The following MSH6 variants were observed in gnomAD, a reference collection of about 807,000 sequenced individuals.
The protein encoded by MSH6 is mutS homolog 6, also known as DNA mismatch repair protein Msh6.
In MSH6, 85 loss-of-function variants were observed where a neutral mutation model predicts 119.1. That is an observed-to-expected ratio of 0.71 (90% CI 0.60 to 0.85). The LOEUF is 0.85. MSH6 is among the 40% of genes least tolerant of loss of function. The pLI is 0.00. For synonymous variants in MSH6, 830 were observed against 586.9 expected (o/e 1.41, Z -5.99); for missense variants, 2,163 against 1,655.3 (o/e 1.31, Z -5.32).
chr2:47,792,954 A>G (rs1181728153), intron 2 of MSH6, among the ~76,000 whole-genome samples: 1 of 150,254 alleles, frequency 6.7e-6, no homozygotes, highest in Non-Finnish European at 1.5e-5. Flanking sequence ...CAGGCTCCCA[A>G]GTAGTTGGGT....
intron 4 of MSH6, 104 bp from the exon 5 acceptor site, chr2:47,803,316 T>G: frequency 1.4e-6 from 2 of 1,454,310 alleles, no homozygotes; most frequent in Non-Finnish European, 1.9e-6. Flanking sequence ...AATTGAAAGT[T>G]ATGTCTTATA....
Position 47,803,428 on chromosome 2 carries a change from C to G in MSH6, c.3181C>G (p.Leu1061Val), listed in dbSNP as rs1553331250. The change falls in exon 5 of 10, where the codon CTG becomes GTG. Residue 1061 changes from leucine (L) to valine (V), a missense_variant. By Grantham distance (32) the Leu-to-Val change is conservative (BLOSUM62 1). Coordinates refer to ENST00000234420, the MANE Select transcript of MSH6 (RefSeq NM_000179.3). ...ACCCTCTCTTTTAACAGATGTTTTA[C>G]TGTGCCTGGCTAACTATAGTCGAGG... ...VECIAVLDVL[L>V]CLANYSRGGD... The G allele has an allele frequency of 6.2e-7, 1 of 1,614,062 alleles. No individual in the cohort carries two copies. The highest frequency in any genetic ancestry group is 1.3e-5 in the African/African-American group (1 of 74,922).
At chr2:47,808,202 T>C (rs1484719602), downstream of MSH6, 20 of 1,613,520 alleles carry the variant, frequency 1.2e-5, no homozygotes, top group Non-Finnish European at 1.7e-5. Flanking sequence ...CACCAGCTAA[T>C]GTACAAGGAT....
chr2:47,789,255 A>T, intron 1 of MSH6: 1 of 305,848 alleles, frequency 3.3e-6, no homozygotes, highest in Non-Finnish European at 6.7e-6. Flanking sequence ...CAGAGAAATT[A>T]TGTGTCAGAT....
At chr2:47,807,056 TATGGTACATGCATACACTTTC>T, downstream of MSH6, 1 of 590,710 alleles carries the variant, frequency 1.7e-6, no homozygotes, top group Non-Finnish European at 3.0e-6. Context: ...GTCTAGATGT[TATGGTACATGCATACACTTTC>T]AGGCTGTTTT....
chr2:47,805,175 CTCTCTCTCT>C, intron 6 of MSH6, 148 bp downstream of exon 6: 1 of 623,910 alleles, frequency 1.6e-6, no homozygotes. Context: ...ACTGCATAGT[CTCTCTCTCT>C]TTTTTTTTTT....
chr2:47,805,107 C>CT (rs1469683316), intron 6 of MSH6, 80 bp downstream of exon 6: 1 of 932,872 alleles, frequency 1.1e-6, no homozygotes, highest in East Asian at 2.4e-5. Flanking sequence ...GTATATGAGC[C>CT]TTTTAAATCT....
In MSH6 at chr2:47,803,511, C is replaced by T. The variant is rs35621414; in HGVS notation, c.3264C>T (p.Phe1088=). 103 of 1,614,122 alleles carry T rather than the reference C, an allele frequency of 6.4e-5. No individual in the cohort carries two copies. In the African/African-American group the frequency reaches 1.2e-3, roughly 19 times the overall value. ...TGTTGCCGGAAGATACCCCCCCCTTCTTAGAGCTTAAAGGATCACGCCATC... is the reference window on the plus strand; with the variant it reads ...TGTTGCCGGAAGATACCCCCCCCTTTTTAGAGCTTAAAGGATCACGCCATC... ...VILLPEDTPP[F]LELKGSRHPC... Residue 1088 remains phenylalanine, a synonymous_variant, in exon 5 of 10, where the codon TTC becomes TTT. Coordinates refer to ENST00000234420, the MANE Select transcript of MSH6 (RefSeq NM_000179.3).
downstream of MSH6, chr2:47,809,385 AC>A: frequency 1.4e-6 from 1 of 713,470 alleles, no homozygotes; most frequent in East Asian, 2.8e-5. Flanking sequence ...AATGAAGCTA[AC>A]CAATGAAGTA....
intron 5 of MSH6, 27 bp from the exon 6 acceptor site, chr2:47,804,883 A>G (rs1437738202): frequency 3.9e-6 from 6 of 1,558,054 alleles, no homozygotes; most frequent in Non-Finnish European, 5.3e-6. Context: ...ACCAGTCATA[A>G]AAGACCTTTT....
intron 2 of MSH6, among the ~76,000 whole-genome samples, chr2:47,794,381 C>G (rs1668942967): frequency 6.6e-6 from 1 of 151,956 alleles, no homozygotes. Context: ...AAGTGATCCT[C>G]CTGCCTCAGT....
At chr2:47,796,568 CTTTT>C (rs879612700) in intron 3 of MSH6, among the ~76,000 whole-genome samples, 1 of 152,142 alleles carries the variant, frequency 6.6e-6, no homozygotes, top group African/African-American at 2.4e-5. Flanking sequence ...AATTCTAAAA[CTTTT>C]TTTGTTGTAT....
intron 2 of MSH6, among the ~76,000 whole-genome samples, chr2:47,795,422 ATGTGTGTGTGTGTGTG>A (rs10699372): frequency 7.1e-6 from 1 of 141,674 alleles, no homozygotes; most frequent in East Asian, 2.0e-4. Flanking sequence ...AAGTTATTTT[ATGTGTGTGTGTGTGTG>A]TGTGTGTGTG....
rs757815307 is a variant in MSH6, at chr2:47,783,254, G to T, written c.21G>T (p.Leu7=). The stretch of plus-strand genomic sequence containing the variant: ...TCGGTATGTCGCGACAGAGCACCCT[G>T]TACAGCTTCTTCCCCAAGTCTCCGG... MSRQST[L]YSFFPKSPAL... The change falls in exon 1 of 10, where the codon CTG becomes CTT. Residue 7 remains leucine, a synonymous_variant. Transcript: ENST00000234420. 3 of 1,612,054 alleles carry T rather than the reference G, an allele frequency of 1.9e-6. No homozygotes were observed. In the Admixed American group the frequency reaches 5.0e-5, roughly 27 times the overall value.
intron 1 of MSH6, among the ~76,000 whole-genome samples, chr2:47,788,246 CTTTTTTTTTTTTTTTTTT>C (rs560110301): frequency 2.2e-5 from 2 of 90,052 alleles, no homozygotes; most frequent in Admixed American, 2.7e-4. Context: ...TTCTTTCTTT[CTTTTTTTTTTTTTTTTTT>C]TTTTTTTTGA....
rs780167298 is a variant in MSH6, at chr2:47,799,796, A to G, written c.1813A>G (p.Thr605Ala). ...LFEKGNLSKE[T>A]KTILKSSLSC... ...TGAAAAAGGAAATCTCTCAAAGGAA[A>G]CTAAAACAATTCTAAAGAGTTCATT... The change falls in exon 4 of 10, where the codon ACT becomes GCT. Residue 605 changes from threonine to alanine, a missense_variant. By Grantham distance (58) the Thr-to-Ala change is moderately conservative. Coordinates refer to ENST00000234420, the MANE Select transcript of MSH6 (RefSeq NM_000179.3). 6.2e-7 allele frequency: 1 copy of G among 1,614,186 alleles called. No homozygotes were observed. The highest frequency in any genetic ancestry group is 8.5e-7 in the Non-Finnish European group (1 of 1,180,020).
At chr2:47,787,780 G>A (rs899160096) in intron 1 of MSH6, among the ~76,000 whole-genome samples, 2 of 151,980 alleles carry the variant, frequency 1.3e-5, no homozygotes, top group Admixed American at 1.3e-4. Context: ...CCCCATGCCT[G>A]GCTAATTTTT....
chr2:47,807,334 C>CTTTTG (rs977116870), downstream of MSH6: 36 of 213,368 alleles, frequency 1.7e-4, no homozygotes, highest in African/African-American at 7.9e-4. Flanking sequence ...TACAAGAATA[C>CTTTTG]TTTTGTTTTA....
chr2:47,806,678 T>TAACTA, intron 9 of MSH6, 27 bp downstream of exon 9: 3 of 1,596,988 alleles, frequency 1.9e-6, no homozygotes, highest in Non-Finnish European at 1.7e-6. Context: ...AATGGAATTA[T>TAACTA]AACTAACTGA....
Sources: gnomAD v4.1 joint callset for allele counts (sites outside exome capture counted in the v4.1 genomes callset) on GRCh38, gnomAD v4.1.1 for gene constraint, MANE v1.5 for transcripts, NCBI Gene and HGNC (gene_info 2026-07-23, HGNC 2026-07-21) for gene names.